VPS13C: variants seen among roughly 807,000 people sequenced by gnomAD.
VPS13C encodes vacuolar protein sorting 13 homolog C.
VPS13C carries 358 observed loss-of-function variants against 456.8 expected under a neutral mutation model. The ratio of observed to expected loss-of-function variants is 0.78; its 90% confidence interval spans 0.72 to 0.86. The LOEUF is 0.86. VPS13C is among the 40% of genes least tolerant of loss of function. VPS13C has a pLI of 0.00. For synonymous variants in VPS13C, 1,578 were observed against 1,486.7 expected (o/e 1.06, Z -1.41); for missense variants, 4,818 against 4,385.4 (o/e 1.10, Z -2.79).
At chr15:61,950,016 C>T (rs186134422) in intron 41 of VPS13C, among the ~76,000 whole-genome samples, 5 of 152,278 alleles carry the variant, frequency 3.3e-5, no homozygotes, top group East Asian at 1.9e-4. Flanking sequence ...CTAATCCTAA[C>T]GCCAATACAT....
intron 83 of VPS13C, among the ~76,000 whole-genome samples, chr15:61,855,429 C>T (rs926030784): frequency 1.3e-5 from 2 of 152,082 alleles, no homozygotes; most frequent in African/African-American, 4.8e-5. Flanking sequence ...TTTCATACAT[C>T]AAAACATTCC....
chr15:61,881,452 G>A, intron 71 of VPS13C, 111 bp downstream of exon 71: 2 of 1,101,368 alleles, frequency 1.8e-6, no homozygotes, highest in Non-Finnish European at 2.5e-6. Context: ...AATAGGTTCA[G>A]CTGGAAAATA....
intron 18 of VPS13C, among the ~76,000 whole-genome samples, chr15:61,989,526 C>T (rs983472397): frequency 1.3e-5 from 2 of 152,012 alleles, no homozygotes; most frequent in Admixed American, 6.6e-5. Flanking sequence ...GCAAAGGCCT[C>T]ATATCCAGAA....
intron 1 of VPS13C, among the ~76,000 whole-genome samples, chr15:62,054,213 G>A (rs1038477463): frequency 6.6e-6 from 1 of 152,070 alleles, no homozygotes; most frequent in Non-Finnish European, 1.5e-5. Context: ...TTATCTATTG[G>A]TACCAGTTTG....
At position 61,969,442 on chromosome 15, in the gene VPS13C, T is replaced by A; in HGVS notation, c.2768A>T (p.Glu923Val). Residue 923 changes from glutamate to valine, a missense_variant, in exon 28 of 85, where the codon GAA becomes GTA. This residue lies in a region of VPS13C where 4,552 missense variants were observed against 4,130.6 expected (regional missense o/e 1.10). Transcript: ENST00000644861. Reference protein sequence around the residue: ...LKFEIKEVILEFTKQQKEEDT... With the variant: ...LKFEIKEVILVFTKQQKEEDT... ...TTCTTCTTTCTGCTGTTTAGTAAAT[T>A]CCAAAATCACCTAAAAGAATTAGAG... 1.3e-6 allele frequency: 2 copies of A among 1,533,980 alleles called. No individual in the cohort carries two copies. The highest frequency in any genetic ancestry group is 1.8e-6 in the Non-Finnish European group (2 of 1,137,676).
chr15:61,992,099 A>C (rs1009375715), intron 16 of VPS13C, among the ~76,000 whole-genome samples: 24 of 152,150 alleles, frequency 1.6e-4, no homozygotes, highest in African/African-American at 5.8e-4. Flanking sequence ...AATTCTTCCA[A>C]ATTTTTAAGT....
At chr15:61,978,557 T>A in intron 23 of VPS13C, 69 bp downstream of exon 23, 1 of 1,549,748 alleles carries the variant, frequency 6.5e-7, no homozygotes, top group Non-Finnish European at 8.7e-7. Flanking sequence ...TAGGCACACA[T>A]ATATACACGT....
intron 12 of VPS13C, among the ~76,000 whole-genome samples, chr15:62,010,924 T>C (rs936245627): frequency 6.6e-6 from 1 of 152,130 alleles, no homozygotes; most frequent in African/African-American, 2.4e-5. Flanking sequence ...TTGCAAGACA[T>C]TTAATGATTG....
intron 22 of VPS13C, among the ~76,000 whole-genome samples, chr15:61,980,581 C>G (rs987413153): frequency 1.3e-5 from 2 of 152,040 alleles, no homozygotes; most frequent in African/African-American, 4.8e-5. Flanking sequence ...AATCATTAGG[C>G]GCCCAACTTA....
intron 49 of VPS13C, among the ~76,000 whole-genome samples, chr15:61,933,959 T>A (rs1184699242): frequency 6.6e-6 from 1 of 152,072 alleles, no homozygotes; most frequent in Non-Finnish European, 1.5e-5. Flanking sequence ...CTGTTGGTAA[T>A]AAATCAAAAT....
At chr15:62,010,734 A>G (rs1007276823) in intron 12 of VPS13C, 135 bp from the exon 13 acceptor site, 16 of 943,920 alleles carry the variant, frequency 1.7e-5, no homozygotes, top group Non-Finnish European at 2.2e-5. Context: ...ATCACTACCA[A>G]AAAATATTTA....
chr15:61,871,618 A>G (rs959882964), intron 79 of VPS13C, among the ~76,000 whole-genome samples: 4 of 151,928 alleles, frequency 2.6e-5, no homozygotes, highest in Non-Finnish European at 2.9e-5. Context: ...TAAATTTTGG[A>G]CTTGGCTTGT....
chr15:61,983,536 G>A (rs1053966441), intron 20 of VPS13C, among the ~76,000 whole-genome samples: 1 of 152,142 alleles, frequency 6.6e-6, no homozygotes. Flanking sequence ...TAACAATTTG[G>A]AAGTCGTTGG....
chr15:61,969,241 G>A, intron 28 of VPS13C, 58 bp downstream of exon 28: 1 of 1,242,120 alleles, frequency 8.1e-7, no homozygotes, highest in South Asian at 1.4e-5. Context: ...AAGTGTTTCA[G>A]ATACTCAAAA....
intron 69 of VPS13C, among the ~76,000 whole-genome samples, chr15:61,882,224 G>C (rs1036044258): frequency 2.6e-5 from 4 of 152,116 alleles, no homozygotes; most frequent in African/African-American, 9.7e-5. Flanking sequence ...AAGGAAGGAA[G>C]GGAGGGATGC....
At chr15:61,905,688 A>G (rs1425323422) in intron 66 of VPS13C, among the ~76,000 whole-genome samples, 1 of 152,142 alleles carries the variant, frequency 6.6e-6, no homozygotes, top group Admixed American at 6.5e-5. Context: ...CTATAACAGC[A>G]AAGTTTTACT....
chr15:61,876,942 T>C, intron 75 of VPS13C, 31 bp downstream of exon 75: 1 of 1,504,458 alleles, frequency 6.6e-7, no homozygotes, highest in Non-Finnish European at 9.2e-7. Flanking sequence ...ATGAAGTATA[T>C]TCCTTATGAA....
intron 63 of VPS13C, 91 bp from the exon 64 acceptor site, chr15:61,910,396 G>T: frequency 9.7e-7 from 1 of 1,027,766 alleles, no homozygotes; most frequent in South Asian, 3.6e-5. Flanking sequence ...TTCTGATTCT[G>T]ATCTTGATTA....
intron 52 of VPS13C, 139 bp from the exon 53 acceptor site, chr15:61,925,687 A>T (rs2043824803): frequency 2.1e-6 from 1 of 487,432 alleles, no homozygotes; most frequent in Non-Finnish European, 3.4e-6. Context: ...AGCAAAAATA[A>T]ATTAGCTGAG....
Sources: gnomAD v4.1 joint callset for allele counts (sites outside exome capture counted in the v4.1 genomes callset) on GRCh38, gnomAD v4.1.1 for gene constraint, gnomAD v4.1.1 regional missense constraint, MANE v1.5 for transcripts, NCBI Gene and HGNC (gene_info 2026-07-23, HGNC 2026-07-21) for gene names.